Variants in AGAP1 observed in about 807,000 individuals in gnomAD.
AGAP1 encodes the protein arf-GAP with GTPase, ANK repeat and PH domain-containing protein 1.
A neutral mutation model predicts 105.3 loss-of-function variants in AGAP1; 29 were observed. That is an observed-to-expected ratio of 0.28 (90% CI 0.21 to 0.38). AGAP1 has a LOEUF of 0.38. Ranked by LOEUF, AGAP1 falls within the 10% of genes least tolerant of loss-of-function variation. The pLI is 1.00. For missense variants in AGAP1, 998 were observed against 1,165.1 expected (o/e 0.86, Z 2.09); for synonymous variants, 509 against 485.9 (o/e 1.05, Z -0.63).
chr2:236,099,531 G>C (rs2059292675), intron 16 of AGAP1, among the ~76,000 whole-genome samples: 1 of 152,190 alleles, frequency 6.6e-6, no homozygotes, highest in African/African-American at 2.4e-5. Flanking sequence ...GTCATTTGCT[G>C]TCACCATCCT....
chr2:235,548,612 C>T (rs1450704261), intron 1 of AGAP1, among the ~76,000 whole-genome samples: 1 of 147,192 alleles, frequency 6.8e-6, no homozygotes, highest in African/African-American at 2.5e-5. Context: ...AAGATTGCGC[C>T]ATTGCACTCC....
chr2:235,689,228 A>G lies in AGAP1; in HGVS notation c.164-19951A>G, dbSNP rs907837489. Among the ~76,000 whole-genome samples, 6 of 152,118 alleles carry G rather than the reference A, an allele frequency of 3.9e-5. No individual in the cohort carries two copies. Among genetic ancestry groups the G allele is most frequent in the Non-Finnish European group, 8.8e-5 (6 of 68,034 alleles). Reference sequence around the variant, plus strand: ...CCTGCCTATGCCTTGGACACTCTTCATTCGCTAGCACCGAGATGGTTCAGG... The same window carrying G: ...CCTGCCTATGCCTTGGACACTCTTCGTTCGCTAGCACCGAGATGGTTCAGG... On this transcript the variant is annotated intron_variant, in intron 1 of 17. Transcript: ENST00000304032. This position sits in a 1 kb window ranked among gnomAD's most constrained non-coding sequence, Gnocchi z 4.2.
intron 1 of AGAP1, among the ~76,000 whole-genome samples, chr2:235,528,787 C>G (rs964712666): frequency 1.3e-5 from 2 of 152,150 alleles, no homozygotes; most frequent in African/African-American, 2.4e-5. Context: ...AAGCAATTCT[C>G]CTGCCTCAGC....
rs147266091 is a variant in AGAP1, at chr2:236,080,950, G to A, written c.2114+31669G>A. Among the ~76,000 whole-genome samples, 6 of 152,244 alleles carry A rather than the reference G, an allele frequency of 3.9e-5. No homozygotes were observed. Among genetic ancestry groups the A allele is most frequent in the East Asian group, 1.9e-4 (1 of 5,174 alleles). The stretch of plus-strand genomic sequence containing the variant: ...CCCTCTCAAGGGCCTTGTCTTAACC[G>A]TATCTGCAGTTAGGTTGCCATGTAA... On this transcript the variant is annotated intron_variant, in intron 16 of 17. Coordinates refer to ENST00000304032, the MANE Select transcript of AGAP1 (RefSeq NM_001037131.3). The surrounding 1 kb of genome is among the most constrained non-coding windows in gnomAD (Gnocchi z 4.2).
chr2:235,678,353 T>C (rs995434800), intron 1 of AGAP1, among the ~76,000 whole-genome samples: 1 of 152,214 alleles, frequency 6.6e-6, no homozygotes, highest in Non-Finnish European at 1.5e-5. Flanking sequence ...GCTTTGTTCC[T>C]AGTATTAGAG....
intron 11 of AGAP1, among the ~76,000 whole-genome samples, chr2:235,909,296 C>G (rs2051460817): frequency 6.6e-6 from 1 of 152,182 alleles, no homozygotes; most frequent in Non-Finnish European, 1.5e-5. Flanking sequence ...GAGCAAGATT[C>G]AGAGGAAACC....
rs774193654 is a variant in AGAP1, at chr2:235,953,838, G to A, written c.1484-14624G>A. On this transcript the variant is annotated intron_variant, in intron 12 of 17. Transcript: ENST00000304032. This position sits in a 1 kb window ranked among gnomAD's most constrained non-coding sequence, Gnocchi z 5.2. Reference sequence around the variant, plus strand: ...CTTGGGAGGCTGAGGCAGGAGGATCGCTGGAGCCCCAGGAGTTCAAGGCTG... The same window carrying A: ...CTTGGGAGGCTGAGGCAGGAGGATCACTGGAGCCCCAGGAGTTCAAGGCTG... 2.6e-5 allele frequency among the ~76,000 whole-genome samples: 4 copies of A among 152,128 alleles called. No homozygotes were observed. The highest frequency in any genetic ancestry group is 1.9e-4 in the East Asian group (1 of 5,166).
At chr2:235,861,437 G>A (rs1163143252) in intron 9 of AGAP1, among the ~76,000 whole-genome samples, 1 of 152,140 alleles carries the variant, frequency 6.6e-6, no homozygotes, top group Non-Finnish European at 1.5e-5. Context: ...CCTCATCAGG[G>A]AACACACTCT....
At chr2:235,881,673 C>G (rs1010816344) in intron 9 of AGAP1, among the ~76,000 whole-genome samples, 3 of 152,190 alleles carry the variant, frequency 2.0e-5, no homozygotes, top group Non-Finnish European at 2.9e-5. Context: ...GGGGCCTGCC[C>G]AAGCTCAGTG....
rs6431404 is a variant in AGAP1 at position 235,902,267 on chromosome 2, A to G, written c.1156-6471A>G. On this transcript the variant is annotated intron_variant, in intron 10 of 17. Coordinates refer to ENST00000304032, the MANE Select transcript of AGAP1 (RefSeq NM_001037131.3). ...CAACCCTCATTTCAGATAATTGTGGATATTCCTCTTGCACACTTCACCAAA... is the reference window on the plus strand; with the variant it reads ...CAACCCTCATTTCAGATAATTGTGGGTATTCCTCTTGCACACTTCACCAAA... Among the ~76,000 whole-genome samples the G allele has an allele frequency of 4.3e-3, 659 of 152,314 alleles. 6 individuals are homozygous for G. The highest frequency in any genetic ancestry group is 0.015 in the African/African-American group (604 of 41,564).
intron 1 of AGAP1, among the ~76,000 whole-genome samples, chr2:235,590,665 A>ATGTG (rs147286191): frequency 0.064 from 8,166 of 127,282 alleles, 319 homozygotes; most frequent in Middle Eastern, 0.091. Flanking sequence ...TTTTGTTTTA[A>ATGTG]TGTGTGTGTG....
At chr2:236,016,032 C>T (rs1025523800) in intron 13 of AGAP1, among the ~76,000 whole-genome samples, 1 of 95,050 alleles carries the variant, frequency 1.1e-5, no homozygotes. Context: ...CTGCTCTCAG[C>T]CAGGAAAAAA....
At chr2:235,500,435 T>C (rs1941514424) in intron 1 of AGAP1, among the ~76,000 whole-genome samples, 1 of 152,244 alleles carries the variant, frequency 6.6e-6, no homozygotes, top group Non-Finnish European at 1.5e-5. Context: ...GCGGATGCCC[T>C]GGTCCAGGGA....
Position 235,901,652 on chromosome 2 carries a change from G to C in AGAP1, c.1156-7086G>C, listed in dbSNP as rs549723167. Among the ~76,000 whole-genome samples, 4 of 152,136 alleles carry C rather than the reference G, an allele frequency of 2.6e-5. No homozygotes were observed. Among genetic ancestry groups the C allele is most frequent in the Non-Finnish European group, 5.9e-5 (4 of 68,026 alleles). On this transcript the variant is annotated intron_variant, in intron 10 of 17. Coordinates refer to ENST00000304032, the MANE Select transcript of AGAP1 (RefSeq NM_001037131.3). This position sits in a 1 kb window ranked among gnomAD's most constrained non-coding sequence, Gnocchi z 4.3. Reference sequence around the variant, plus strand: ...TCCCAGCACTTTGGGAGGCCAAGGCGGGTGGGTCACCTGAAGTCAGAAGTT... The same window carrying C: ...TCCCAGCACTTTGGGAGGCCAAGGCCGGTGGGTCACCTGAAGTCAGAAGTT...
At position 235,983,690 on chromosome 2, in the gene AGAP1, C is replaced by T. The variant is rs1327483588; in HGVS notation, c.1645+15067C>T. On this transcript the variant is annotated intron_variant, in intron 13 of 17. Transcript: ENST00000304032. The surrounding 1 kb of genome is among the most constrained non-coding windows in gnomAD (Gnocchi z 4.5). Reference sequence around the variant, plus strand: ...GTTAGATGTTTAAATACACACTTCCCATTGTGTTGCCACTGCCTACAGTTT... The same window carrying T: ...GTTAGATGTTTAAATACACACTTCCTATTGTGTTGCCACTGCCTACAGTTT... Among the ~76,000 whole-genome samples, 1 of 152,132 alleles carries T rather than the reference C, an allele frequency of 6.6e-6. No homozygotes were observed. Among genetic ancestry groups the T allele is most frequent in the Non-Finnish European group, 1.5e-5 (1 of 68,040 alleles).
rs1188731840 is a variant in AGAP1, at chr2:235,752,912, C to T, written c.673+2424C>T. Among the ~76,000 whole-genome samples, 1 of 152,090 alleles carries T rather than the reference C, an allele frequency of 6.6e-6. No individual in the cohort carries two copies. Among genetic ancestry groups the T allele is most frequent in the Non-Finnish European group, 1.5e-5 (1 of 68,020 alleles). ...TGTCCTACTTACGGAGGATGGGAGT[C>T]CAGGGCCAGGTGCTGGTGGGTGTGG... On this transcript the variant is annotated intron_variant, in intron 6 of 17. Coordinates refer to ENST00000304032, the MANE Select transcript of AGAP1 (RefSeq NM_001037131.3). This position sits in a 1 kb window ranked among gnomAD's most constrained non-coding sequence, Gnocchi z 4.3.
intron 13 of AGAP1, among the ~76,000 whole-genome samples, chr2:236,033,637 G>A (rs955041779): frequency 3.3e-5 from 5 of 152,214 alleles, no homozygotes; most frequent in Non-Finnish European, 7.3e-5. Context: ...ACGTAGACAC[G>A]TTTAGAGGGC....
rs536128856 is a variant in AGAP1, at chr2:235,556,162, GACCGTGGCCTGCAC to G, written c.163+61317_163+61330del. On this transcript the variant is annotated intron_variant, in intron 1 of 17. Transcript: ENST00000304032. The surrounding 1 kb of genome is among the most constrained non-coding windows in gnomAD (Gnocchi z 5.3). Reference sequence around the variant, plus strand: ...CATGTGGGAGGGAGCCAGCCTGGTGGACCGTGGCCTGCACACCTGCAGCAGCTCCTCAGAGCTGC... The same window carrying G: ...CATGTGGGAGGGAGCCAGCCTGGTGGACCTGCAGCAGCTCCTCAGAGCTGC... 6.1e-4 allele frequency among the ~76,000 whole-genome samples: 93 copies of G among 152,320 alleles called. 1 individual carries two copies. In the South Asian group the frequency reaches 0.011, roughly 17 times the overall value.
At chr2:236,004,823 G>A (rs1231747654) in intron 13 of AGAP1, among the ~76,000 whole-genome samples, 1 of 152,158 alleles carries the variant, frequency 6.6e-6, no homozygotes, top group African/African-American at 2.4e-5. Flanking sequence ...TCATTAATTT[G>A]TAAAATTTAG....
Sources: gnomAD v4.1 joint callset for allele counts (sites outside exome capture counted in the v4.1 genomes callset) on GRCh38, gnomAD v4.1.1 for gene constraint, Gnocchi (gnomAD v3.1) non-coding constraint, MANE v1.5 for transcripts, NCBI Gene and HGNC (gene_info 2026-07-23, HGNC 2026-07-21) for gene names.